Variants in SBF2 observed in about 807,000 individuals in gnomAD.
SBF2 encodes the protein SET binding factor 2.
Under a neutral mutation model 225.2 loss-of-function variants are expected in SBF2, and 112 were observed. The observed-to-expected ratio is 0.50, with a 90% CI of 0.43 to 0.58. The LOEUF (loss-of-function observed/expected upper bound fraction) is 0.58, where lower values mean the gene tolerates loss of function less well. SBF2 is among the 20% of genes least tolerant of loss of function. The pLI is 0.00. For synonymous variants in SBF2, 763 were observed against 773.3 expected (o/e 0.99, Z 0.22); for missense variants, 1,996 against 2,206.2 (o/e 0.90, Z 1.91).
At chr11:10,049,411 AGCC>A (rs1467520633) in intron 2 of SBF2, among the ~76,000 whole-genome samples, 9 of 152,186 alleles carry the variant, frequency 5.9e-5, no homozygotes, top group Non-Finnish European at 1.2e-4. Flanking sequence ...GTTTGAGACC[AGCC>A]TGGCCAACAT....
upstream of SBF2, chr11:10,294,352 G>T (rs1247519561): frequency 3.1e-6 from 1 of 325,240 alleles, no homozygotes; most frequent in Non-Finnish European, 5.6e-6. Context: ...GGGAGTGGGC[G>T]GTCGGGCGTG....
intron 16 of SBF2, among the ~76,000 whole-genome samples, chr11:9,925,447 T>C (rs1863959636): frequency 1.3e-5 from 2 of 152,282 alleles, no homozygotes; most frequent in Non-Finnish European, 2.9e-5. Flanking sequence ...CCGACTAATT[T>C]TGAATTTTTA....
Position 10,294,172 on chromosome 11 carries a change from G to C in SBF2, c.-103C>G, listed in dbSNP as rs1270185794. ...CAGCATTTTCCCTGCAGCGGCAGTA[G>C]CGGCAGCGGCAGCGCTTCAGCCATG... On this transcript the variant is annotated 5_prime_UTR_variant, in exon 1 of 40. Transcript: ENST00000256190. 10 of 836,434 alleles carry C rather than the reference G, an allele frequency of 1.2e-5. No homozygotes were observed. 51.8% of individuals were successfully genotyped at this position (836,434 alleles called of 1,614,324 possible). A position where few individuals can be genotyped will look rare whatever the true frequency, so the allele number is the denominator to read the frequency against.
At chr11:10,176,061 G>A (rs1956447322) in intron 2 of SBF2, among the ~76,000 whole-genome samples, 1 of 122,530 alleles carries the variant, frequency 8.2e-6, no homozygotes, top group Non-Finnish European at 1.8e-5. Context: ...GAGAAAGCAG[G>A]AAAGATCCAA....
intron 3 of SBF2, among the ~76,000 whole-genome samples, chr11:10,032,783 T>C (rs1949306964): frequency 6.6e-6 from 1 of 152,260 alleles, no homozygotes; most frequent in South Asian, 2.1e-4. Context: ...GTTCCTAAAA[T>C]AAGGGCTAGG....
intron 30 of SBF2, among the ~76,000 whole-genome samples, chr11:9,812,314 C>T (rs1224867875): frequency 6.6e-6 from 1 of 152,150 alleles, no homozygotes; most frequent in Admixed American, 6.5e-5. Context: ...TTTAAATACA[C>T]AGAGATAAAA....
intron 2 of SBF2, among the ~76,000 whole-genome samples, chr11:10,049,196 C>CT (rs1949975799): frequency 6.6e-6 from 1 of 152,106 alleles, no homozygotes. Flanking sequence ...CAGTATCACT[C>CT]TTTTCTGTAT....
chr11:9,994,593 T>TATATATATATATATATATATATA (rs1481026391), intron 9 of SBF2, among the ~76,000 whole-genome samples: 4 of 149,868 alleles, frequency 2.7e-5, no homozygotes, highest in East Asian at 2.0e-4. Flanking sequence ...TATATATATA[T>TATATATATATATATATATATATA]GAAAATGAAA....
rs954151869 is a variant in SBF2, at chr11:10,114,972, C to G, written c.142-71991G>C. 9.2e-5 allele frequency among the ~76,000 whole-genome samples: 14 copies of G among 152,314 alleles called. No individual in the cohort carries two copies. In the Middle Eastern group the frequency reaches 0.01, roughly 111 times the overall value. ...CATCTACAGGGCAGTTGCATTTGGA[C>G]ATTTGCTTCAGCCAGGCTCCAGGAG... On this transcript the variant is annotated intron_variant, in intron 2 of 39. Coordinates refer to ENST00000256190, the MANE Select transcript of SBF2 (RefSeq NM_030962.4).
chr11:9,859,802 T>G (rs1402532155), intron 17 of SBF2, among the ~76,000 whole-genome samples: 1 of 152,224 alleles, frequency 6.6e-6, no homozygotes, highest in Non-Finnish European at 1.5e-5. Context: ...ATGTAGTACC[T>G]GTGTAGTTAG....
intron 2 of SBF2, among the ~76,000 whole-genome samples, chr11:10,112,969 T>G (rs1182117648): frequency 1.3e-5 from 2 of 152,200 alleles, no homozygotes; most frequent in Non-Finnish European, 2.9e-5. Flanking sequence ...CTCTTGTATC[T>G]CATAGAGATC....
At chr11:9,955,649 T>A (rs187932806) in intron 16 of SBF2, among the ~76,000 whole-genome samples, 6 of 152,106 alleles carry the variant, frequency 3.9e-5, no homozygotes, top group Admixed American at 3.3e-4. Context: ...TTGAAGTGAG[T>A]TTGAGAAGAT....
intron 1 of SBF2, among the ~76,000 whole-genome samples, chr11:10,209,321 T>C (rs971816845): frequency 2.6e-5 from 4 of 151,948 alleles, no homozygotes; most frequent in Non-Finnish European, 4.4e-5. Context: ...TTTTTTTTTT[T>C]TCCCATCTCT....
intron 24 of SBF2, among the ~76,000 whole-genome samples, chr11:9,843,442 A>T (rs1396825884): frequency 6.6e-6 from 1 of 152,230 alleles, no homozygotes; most frequent in East Asian, 1.9e-4. Flanking sequence ...TAATGGACCT[A>T]GAAGTACTTT....
chr11:9,897,659 C>T (rs1183226708), intron 16 of SBF2, among the ~76,000 whole-genome samples: 1 of 152,122 alleles, frequency 6.6e-6, no homozygotes, highest in Non-Finnish European at 1.5e-5. Flanking sequence ...TGATTAAAGC[C>T]CTGACCTTAG....
chr11:9,854,327 G>T (rs1857164933), intron 19 of SBF2, among the ~76,000 whole-genome samples: 1 of 152,148 alleles, frequency 6.6e-6, no homozygotes, highest in South Asian at 2.1e-4. Flanking sequence ...GCAAGAGAAG[G>T]GAACAAATTT....
chr11:9,909,155 G>C (rs552718255), intron 16 of SBF2, among the ~76,000 whole-genome samples: 1 of 152,206 alleles, frequency 6.6e-6, no homozygotes, highest in South Asian at 2.1e-4. Flanking sequence ...TACAAATACA[G>C]CTAAAAGAGA....
rs1392262733 is a variant in SBF2, at chr11:9,852,649, C to T, written c.2610+27G>A. The T allele has an allele frequency of 1.9e-6, 3 of 1,549,612 alleles. 1 individual carries two copies. The Admixed American group carries it at 5.0e-5, about 26-fold the overall frequency. ...TTTGTTTTTAAGAAGAGAGGCTATA[C>T]CCTGAAAGCATGTAGTCTGGAATTA... On this transcript the variant is annotated intron_variant, in intron 21 of 39. Transcript: ENST00000256190.
At chr11:9,879,184 T>C (rs1010636696) in intron 17 of SBF2, among the ~76,000 whole-genome samples, 2 of 152,174 alleles carry the variant, frequency 1.3e-5, no homozygotes, top group Admixed American at 6.6e-5. Context: ...TTCTCAAAAA[T>C]GCTAACAATG....
Sources: allele counts gnomAD v4.1 joint callset (sites outside exome capture counted in the v4.1 genomes callset), GRCh38; gene constraint gnomAD v4.1.1; transcripts MANE v1.5; gene names NCBI Gene and HGNC (gene_info 2026-07-23, HGNC 2026-07-21).